Variants in COBLL1 observed in about 807,000 individuals in gnomAD.
COBLL1 encodes the protein cordon-bleu WH2 repeat protein like 1, also known as cordon-bleu protein-like 1.
A neutral mutation model predicts 94.8 loss-of-function variants in COBLL1; 50 were observed. That is an observed-to-expected ratio of 0.53 (90% confidence interval 0.42 to 0.67). The LOEUF is 0.67. COBLL1 is among the 30% of genes least tolerant of loss of function. COBLL1 has a pLI of 0.00. For synonymous variants in COBLL1, 448 were observed against 473.8 expected (o/e 0.95, Z 0.71); for missense variants, 1,362 against 1,348.7 (o/e 1.01, Z -0.15).
upstream of COBLL1, chr2:164,842,014 C>T: frequency 1.3e-6 from 2 of 1,539,770 alleles, no homozygotes; most frequent in Non-Finnish European, 1.7e-6. Flanking sequence ...GCAGCACGGC[C>T]GCACATAAGT....
At chr2:164,709,243 A>G (rs1684760945) in intron 7 of COBLL1, among the ~76,000 whole-genome samples, 1 of 152,174 alleles carries the variant, frequency 6.6e-6, no homozygotes, top group Non-Finnish European at 1.5e-5. Context: ...TTTCAACAGC[A>G]TTTATGAAGA....
At chr2:164,675,094 G>C (rs1691315043) in intron 1 of COBLL1, among the ~76,000 whole-genome samples, 1 of 151,980 alleles carries the variant, frequency 6.6e-6, no homozygotes. Flanking sequence ...ATGCTTCAGG[G>C]ACCTTTGTCT....
At chr2:164,706,589 T>A (rs1183443661) in intron 7 of COBLL1, among the ~76,000 whole-genome samples, 1 of 152,218 alleles carries the variant, frequency 6.6e-6, no homozygotes, top group African/African-American at 2.4e-5. Context: ...TTTATCCCTC[T>A]GCCACATCCT....
chr2:164,816,659 T>C (rs1407753871), intron 2 of COBLL1, among the ~76,000 whole-genome samples: 2 of 152,170 alleles, frequency 1.3e-5, no homozygotes, highest in Non-Finnish European at 2.9e-5. Context: ...ATATCTTTCA[T>C]TCAGGATAAA....
intron 7 of COBLL1, among the ~76,000 whole-genome samples, chr2:164,705,927 G>A (rs1323706907): frequency 9.9e-5 from 15 of 152,124 alleles, no homozygotes; most frequent in Admixed American, 3.3e-4. Context: ...CCAGCTACTC[G>A]GGAGGCTAAG....
At chr2:164,751,800 C>T (rs1380618040) in intron 2 of COBLL1, among the ~76,000 whole-genome samples, 1 of 151,966 alleles carries the variant, frequency 6.6e-6, no homozygotes, top group Non-Finnish European at 1.5e-5. Context: ...AAATGGTTTT[C>T]CTATTTGGGG....
intron 2 of COBLL1, among the ~76,000 whole-genome samples, chr2:164,662,146 G>A (rs750557541): frequency 2.0e-5 from 3 of 152,206 alleles, no homozygotes; most frequent in Non-Finnish European, 4.4e-5. Context: ...GGAGCCAGAA[G>A]TCGAGTTAAC....
chr2:164,687,261 G>T, intron 13 of COBLL1: 1 of 507,996 alleles, frequency 2.0e-6, no homozygotes. Context: ...TTAGTATTAA[G>T]AGGGGAAGCA....
At chr2:164,727,943 ATAAAT>A in intron 5 of COBLL1, 21 bp downstream of exon 5, 1 of 1,444,952 alleles carries the variant, frequency 6.9e-7, no homozygotes, top group Non-Finnish European at 9.7e-7. Flanking sequence ...ATCCCACTAA[ATAAAT>A]AAAATAAAAG....
chr2:164,737,789 T>C (rs895523929), intron 3 of COBLL1, among the ~76,000 whole-genome samples: 1 of 152,092 alleles, frequency 6.6e-6, no homozygotes, highest in African/African-American at 2.4e-5. Flanking sequence ...TTTTTCCCAA[T>C]AGGTGGCGCT....
intron 13 of COBLL1, among the ~76,000 whole-genome samples, chr2:164,691,250 C>T (rs1032154856): frequency 5.9e-5 from 9 of 152,124 alleles, no homozygotes; most frequent in Admixed American, 2.0e-4. Flanking sequence ...GGTTGAAAGG[C>T]CCGGAAAGCC....
chr2:164,780,995 A>G (rs1365175390), intron 2 of COBLL1, among the ~76,000 whole-genome samples: 1 of 152,228 alleles, frequency 6.6e-6, no homozygotes, highest in Non-Finnish European at 1.5e-5. Context: ...TATACTTAGG[A>G]GAATTTTAAA....
At chr2:164,717,601 C>T (rs533784512) in intron 7 of COBLL1, among the ~76,000 whole-genome samples, 21 of 152,232 alleles carry the variant, frequency 1.4e-4, no homozygotes, top group African/African-American at 4.1e-4. Context: ...TCACCCAGGC[C>T]GGAGTGCAGT....
At chr2:164,738,448 A>G (rs966435932) in intron 3 of COBLL1, among the ~76,000 whole-genome samples, 7 of 152,212 alleles carry the variant, frequency 4.6e-5, no homozygotes, top group Admixed American at 3.9e-4. Flanking sequence ...ATATCTGTTT[A>G]GTCTATAAGC....
intron 2 of COBLL1, among the ~76,000 whole-genome samples, chr2:164,754,999 C>G (rs1013739062): frequency 1.2e-4 from 18 of 151,978 alleles, no homozygotes; most frequent in Non-Finnish European, 2.4e-4. Flanking sequence ...TTCATCTCTA[C>G]CAAACAAATT....
At chr2:164,701,361 T>G (rs1244692111) in intron 9 of COBLL1, among the ~76,000 whole-genome samples, 2 of 152,214 alleles carry the variant, frequency 1.3e-5, no homozygotes, top group African/African-American at 4.8e-5. Context: ...CTGACCTAGA[T>G]GCTTAATTTG....
chr2:164,831,402 C>A (rs1683068344), intron 2 of COBLL1, among the ~76,000 whole-genome samples: 1 of 149,194 alleles, frequency 6.7e-6, no homozygotes, highest in African/African-American at 2.5e-5. Context: ...TTTAAATTAT[C>A]TAGTAGGGAT....
At chr2:164,789,753 TA>T (rs1386789419) in intron 2 of COBLL1, among the ~76,000 whole-genome samples, 2 of 152,228 alleles carry the variant, frequency 1.3e-5, no homozygotes, top group South Asian at 2.1e-4. Flanking sequence ...ACTTAGATGG[TA>T]ATTGCAGACA....
chr2:164,758,522 G>A (rs1333894627), intron 2 of COBLL1, among the ~76,000 whole-genome samples: 3 of 152,108 alleles, frequency 2.0e-5, no homozygotes, highest in Admixed American at 6.6e-5. Context: ...AGTGTCAGCA[G>A]CAGCTGGACT....
Sources: allele counts gnomAD v4.1 joint callset (sites outside exome capture counted in the v4.1 genomes callset), GRCh38; gene constraint gnomAD v4.1.1; transcripts MANE v1.5; gene names NCBI Gene and HGNC (gene_info 2026-07-23, HGNC 2026-07-21).